The following KCTD15 variants were observed in gnomAD, a reference collection of about 807,000 sequenced individuals.
KCTD15 encodes BTB/POZ domain-containing protein KCTD15.
KCTD15 carries 11 observed loss-of-function variants against 27.2 expected under a neutral mutation model. The ratio of observed to expected loss-of-function variants is 0.41; its 90% CI spans 0.25 to 0.67. The LOEUF (loss-of-function observed/expected upper bound fraction) is 0.67, where lower values mean the gene tolerates loss of function less well. Ranked by LOEUF, KCTD15 falls within the 30% of genes least tolerant of loss-of-function variation. KCTD15 has a pLI of 0.35. For missense variants in KCTD15, 350 were observed against 409.3 expected (o/e 0.86, Z 1.25); for synonymous variants, 163 against 176.0 (o/e 0.93, Z 0.58).
intron 4 of KCTD15, among the ~76,000 whole-genome samples, chr19:33,804,961 CT>C (rs1439211873): frequency 4.6e-5 from 7 of 152,208 alleles, no homozygotes; most frequent in African/African-American, 1.7e-4. Context: ...CAGCGTTTGT[CT>C]TTCTTGGCCA....
In KCTD15 at chr19:33,801,068, TG is replaced by T. The variant is rs1197661595; in HGVS notation, c.67-98del. On this transcript the variant is annotated intron_variant, in intron 3 of 6. Coordinates refer to ENST00000683859, the MANE Select transcript of KCTD15 (RefSeq NM_001129994.2). ...GGCAGAAGTGATCTGATTAGATCTG[TG>T]ATCACACTCTCAATAAAGGGAGTGC... is the stretch of plus-strand genomic sequence containing the variant. The T allele has an allele frequency of 3.5e-6, 4 of 1,154,810 alleles. No individual in the cohort carries two copies. The African/African-American group carries it at 6.2e-5, about 18-fold the overall frequency. The allele number at this position is 1,154,810 out of a possible 1,614,324, so 71.5% of individuals were successfully genotyped here. A position where few individuals can be genotyped will look rare whatever the true frequency, so the allele number is the denominator to read the frequency against.
intron 4 of KCTD15, 124 bp downstream of exon 4, chr19:33,801,466 A>T: frequency 1.2e-6 from 1 of 801,106 alleles, no homozygotes. Context: ...AGGGTGCACA[A>T]GCTGACACAG....
At chr19:33,812,023 G>C in intron 6 of KCTD15, 1 of 1,442,468 alleles carries the variant, frequency 6.9e-7, no homozygotes. Flanking sequence ...TCCAAGAATT[G>C]GACAGCTCAG....
chr19:33,795,001 A>T (rs1325540437), upstream of KCTD15, among the ~76,000 whole-genome samples: 1 of 152,052 alleles, frequency 6.6e-6, no homozygotes, highest in Non-Finnish European at 1.5e-5. Flanking sequence ...GCCTCGCGGG[A>T]GCCCCTCCCA....
chr19:33,806,922 A>G lies in KCTD15; in HGVS notation c.302A>G (p.Tyr101Cys). 6.2e-7 allele frequency: 1 copy of G among 1,614,160 alleles called. No homozygotes were observed. Among genetic ancestry groups the G allele is most frequent in the Non-Finnish European group, 8.5e-7 (1 of 1,180,032 alleles). Residue 101 changes from tyrosine to cysteine, a missense_variant, in exon 5 of 7, where the codon TAT becomes TGT. Tyr to Cys is a radical substitution (Grantham distance 194, BLOSUM62 -2). Transcript: ENST00000683859. ...GTCCTGGACAGTTTGAAGCAACATT[A>G]TTTCATTGACCGGGATGGGGAGATT... The part of the protein sequence containing the change: ...PIVLDSLKQH[Y>C]FIDRDGEIFR...
At chr19:33,807,712 T>C (rs1975757898) in intron 5 of KCTD15, among the ~76,000 whole-genome samples, 1 of 151,912 alleles carries the variant, frequency 6.6e-6, no homozygotes, top group African/African-American at 2.4e-5. Flanking sequence ...AGAGCAAGAC[T>C]CCGTCTCAAA....
At chr19:33,803,485 T>C (rs1342822887) in intron 4 of KCTD15, among the ~76,000 whole-genome samples, 4 of 152,032 alleles carry the variant, frequency 2.6e-5, no homozygotes, top group Non-Finnish European at 4.4e-5. Context: ...CTAGGCAGCA[T>C]TGTAAAAGCT....
intron 2 of KCTD15, among the ~76,000 whole-genome samples, chr19:33,799,200 C>A (rs144685154): frequency 1.2e-4 from 19 of 152,256 alleles, no homozygotes; most frequent in South Asian, 8.3e-4. Flanking sequence ...AGTTTTATGT[C>A]AGGAAACTTG....
At position 33,803,094 on chromosome 19, in the gene KCTD15, G is replaced by A. The variant is rs112080392; in HGVS notation, c.242+1752G>A. On this transcript the variant is annotated intron_variant, in intron 4 of 6. Coordinates refer to ENST00000683859, the MANE Select transcript of KCTD15 (RefSeq NM_001129994.2). ...TGGGACCCTCCTGGTGTGCCCAAGG[G>A]GTGGCAGTCTATGTTTATTCTTCCC... Among the ~76,000 whole-genome samples the A allele has an allele frequency of 1.5e-4, 23 of 152,358 alleles. 2 individuals carry two copies. Among genetic ancestry groups the A allele is most frequent in the African/African-American group, 5.5e-4 (23 of 41,582 alleles).
chr19:33,812,735 A>T (rs1975965458), intron 6 of KCTD15, 55 bp from the exon 7 acceptor site: 3 of 1,402,016 alleles, frequency 2.1e-6, no homozygotes, highest in Non-Finnish European at 2.8e-6. Flanking sequence ...TGCCAGGCCA[A>T]GCCAGGTGTC....
chr19:33,805,601 GCTAC>G (rs1192703826), intron 4 of KCTD15, among the ~76,000 whole-genome samples: 28 of 152,342 alleles, frequency 1.8e-4, no homozygotes, highest in Admixed American at 1.0e-3. Flanking sequence ...CCAAGTTGGA[GCTAC>G]TGTTCTCCCA....
At chr19:33,810,688 CAAAAA>C (rs66841311) in intron 5 of KCTD15, among the ~76,000 whole-genome samples, 1 of 131,328 alleles carries the variant, frequency 7.6e-6, no homozygotes, top group African/African-American at 3.1e-5. Context: ...AAAAAAAAAA[CAAAAA>C]AAAACGAAAA....
In KCTD15 at chr19:33,801,197, A is replaced by T. The variant is rs758912590; in HGVS notation, c.97A>T (p.Thr33Ser). Residue 33 changes from threonine (T) to serine (S), a missense_variant, in exon 4 of 7, where the codon ACC becomes TCC. Thr to Ser is a moderately conservative substitution (Grantham distance 58, BLOSUM62 1). Transcript: ENST00000683859. The stretch of plus-strand genomic sequence containing the variant: ...AGGAAACATGTCCCGGCTGTCTCTC[A>T]CCCGGTCGCCTGTGTCTCCCCTGGC... The part of the protein sequence containing the change: ...EGGNMSRLSL[T>S]RSPVSPLAAQ... The T allele has an allele frequency of 1.9e-6, 3 of 1,610,908 alleles. No individual in the cohort carries two copies. The East Asian group carries it at 6.7e-5, about 36-fold the overall frequency.
rs1599692948 is a variant in KCTD15 at position 33,813,081 on chromosome 19, A to G, written c.*133A>G. On this transcript the variant is annotated 3_prime_UTR_variant, in exon 7 of 7. Transcript: ENST00000683859. ...AGGGTCCAAAGCTGGCCCAGCGAGC[A>G]CCAGGGTCCCAGGTGTCATGGCAAC... The G allele has an allele frequency of 1.1e-6, 1 of 911,226 alleles. No individual in the cohort carries two copies. The highest frequency in any genetic ancestry group is 1.7e-6 in the Non-Finnish European group (1 of 595,052). 56.4% of individuals were successfully genotyped at this position (911,226 alleles called of 1,614,324 possible). A position where few individuals can be genotyped will look rare whatever the true frequency, so the allele number is the denominator to read the frequency against.
chr19:33,812,909 C>T lies in KCTD15; in HGVS notation c.813C>T (p.Thr271=), dbSNP rs1030592307. The part of the protein sequence containing the change: ...LCREERRPQP[T]PTAVRIKQEP... ...GGGAGGAGCGGCGGCCGCAGCCCAC[C>T]CCCACTGCTGTTCGAATCAAGCAGG... Residue 271 remains threonine, a synonymous_variant, in exon 7 of 7, where the codon ACC becomes ACT. Coordinates refer to ENST00000683859, the MANE Select transcript of KCTD15 (RefSeq NM_001129994.2). 5 of 1,549,746 alleles carry T rather than the reference C, an allele frequency of 3.2e-6. No homozygotes were observed. Among genetic ancestry groups the T allele is most frequent in the Non-Finnish European group, 4.4e-6 (5 of 1,146,694 alleles).
intron 5 of KCTD15, among the ~76,000 whole-genome samples, chr19:33,809,215 T>C (rs1237177921): frequency 6.6e-6 from 1 of 151,866 alleles, no homozygotes; most frequent in Non-Finnish European, 1.5e-5. Context: ...AGGTGGATGT[T>C]GCAGTGAGCT....
At chr19:33,808,805 G>A (rs1975792188) in intron 5 of KCTD15, among the ~76,000 whole-genome samples, 1 of 152,106 alleles carries the variant, frequency 6.6e-6, no homozygotes, top group Non-Finnish European at 1.5e-5. Flanking sequence ...GATGGACCAG[G>A]ATGGAGATAG....
At chr19:33,808,410 T>C (rs138373436) in intron 5 of KCTD15, among the ~76,000 whole-genome samples, 51 of 152,314 alleles carry the variant, frequency 3.3e-4, no homozygotes, top group African/African-American at 1.2e-3. Flanking sequence ...AAAGAAATGA[T>C]GTTCATCTGG....
At chr19:33,797,248 GT>G (rs1313257132) in intron 1 of KCTD15, among the ~76,000 whole-genome samples, 3 of 33,994 alleles carry the variant, frequency 8.8e-5, no homozygotes, top group Non-Finnish European at 2.1e-4. Context: ...CTGCCGCGCG[GT>G]GTGTGTGTGT....
Sources: allele counts gnomAD v4.1 joint callset (sites outside exome capture counted in the v4.1 genomes callset), GRCh38; gene constraint gnomAD v4.1.1; transcripts MANE v1.5; gene names NCBI Gene and HGNC (gene_info 2026-07-23, HGNC 2026-07-21).